LRRTM4: variants seen among roughly 807,000 people sequenced by gnomAD.
The protein encoded by LRRTM4 is leucine-rich repeat transmembrane neuronal protein 4.
A neutral mutation model predicts 47.6 loss-of-function variants in LRRTM4; 25 were observed. The ratio of observed to expected loss-of-function variants is 0.53; its 90% CI spans 0.38 to 0.73. The LOEUF (loss-of-function observed/expected upper bound fraction) is 0.73. Among genes scored for constraint, LRRTM4 ranks in the 30% least tolerant of loss-of-function variants. LRRTM4 has a pLI of 0.00. For synonymous variants in LRRTM4, 311 were observed against 269.5 expected (o/e 1.15, Z -1.51); for missense variants, 638 against 713.4 (o/e 0.89, Z 1.20).
At chr2:76,864,433 G>A (rs1226382495) in intron 3 of LRRTM4, among the ~76,000 whole-genome samples, 1 of 152,050 alleles carries the variant, frequency 6.6e-6, no homozygotes, top group Non-Finnish European at 1.5e-5. Flanking sequence ...CTAGGCGGGC[G>A]GATCATCTGA....
At chr2:76,979,240 G>A (rs34007251) in intron 3 of LRRTM4, among the ~76,000 whole-genome samples, 27,253 of 151,908 alleles carry the variant, frequency 0.18, 2,593 homozygotes, top group Admixed American at 0.26. Context: ...AATTCTGCAT[G>A]AGTAAGTGTA....
In LRRTM4 at chr2:77,435,931, T is replaced by A. The variant is rs1041608673; in HGVS notation, c.1551+82387A>T. Among the ~76,000 whole-genome samples the A allele has an allele frequency of 1.1e-4, 16 of 152,120 alleles. 1 individual carries two copies. Among genetic ancestry groups the A allele is most frequent in the Middle Eastern group, 3.2e-3 (1 of 316 alleles). ...TAGACCATACTGCAAGGGAAAAAAA[T>A]ATCAAGGATTAATGGTATAATTAGA... is the stretch of plus-strand genomic sequence containing the variant. On this transcript the variant is annotated intron_variant, in intron 3 of 3. Transcript: ENST00000409884.
chr2:77,350,949 A>C (rs1671744568), intron 3 of LRRTM4, among the ~76,000 whole-genome samples: 1 of 152,186 alleles, frequency 6.6e-6, no homozygotes, highest in South Asian at 2.1e-4. Flanking sequence ...GTTTAGGGGT[A>C]CACATTAAGG....
At chr2:77,236,453 T>A (rs1260085270) in intron 3 of LRRTM4, among the ~76,000 whole-genome samples, 1 of 151,806 alleles carries the variant, frequency 6.6e-6, no homozygotes, top group Non-Finnish European at 1.5e-5. Context: ...GAATCATATT[T>A]TTTTTTTGCC....
intron 3 of LRRTM4, among the ~76,000 whole-genome samples, chr2:77,363,551 A>G (rs1288058201): frequency 2.0e-5 from 3 of 152,320 alleles, no homozygotes; most frequent in East Asian, 1.9e-4. Flanking sequence ...AGGGCCACGC[A>G]TAATTGCATG....
At chr2:76,867,527 C>A (rs1238483634) in intron 3 of LRRTM4, among the ~76,000 whole-genome samples, 3 of 152,060 alleles carry the variant, frequency 2.0e-5, no homozygotes, top group Admixed American at 6.6e-5. Context: ...TTGTTAGTTT[C>A]TTTTTATGGA....
intron 3 of LRRTM4, among the ~76,000 whole-genome samples, chr2:77,083,574 C>G (rs141491807): frequency 6.6e-6 from 1 of 151,986 alleles, no homozygotes; most frequent in Non-Finnish European, 1.5e-5. Context: ...GATACTGTGT[C>G]TGAATATTAG....
chr2:77,480,866 A>AGAGAGAGAGAGAGAGAGAG (rs1491169115), intron 3 of LRRTM4, among the ~76,000 whole-genome samples: 7 of 128,054 alleles, frequency 5.5e-5, no homozygotes, highest in Non-Finnish European at 1.0e-4. Context: ...AGAGAGAGAG[A>AGAGAGAGAGAGAGAGAGAG]AATAGCTCTC....
At chr2:76,981,339 G>C (rs1171917190) in intron 3 of LRRTM4, among the ~76,000 whole-genome samples, 1 of 152,108 alleles carries the variant, frequency 6.6e-6, no homozygotes, top group African/African-American at 2.4e-5. Flanking sequence ...CAGTTGGGAA[G>C]AGCAACTAGG....
At chr2:77,207,473 T>C (rs2103914378) in intron 3 of LRRTM4, among the ~76,000 whole-genome samples, 1 of 151,658 alleles carries the variant, frequency 6.6e-6, no homozygotes, top group South Asian at 2.1e-4. Flanking sequence ...CCTTCTGTTC[T>C]CCTTGTAGCA....
At chr2:77,181,767 G>C (rs1228031773) in intron 3 of LRRTM4, among the ~76,000 whole-genome samples, 1 of 151,882 alleles carries the variant, frequency 6.6e-6, no homozygotes, top group East Asian at 1.9e-4. Flanking sequence ...TGTTTAGGAG[G>C]GGAGGAAAGG....
At chr2:77,452,702 G>A (rs868448918) in intron 3 of LRRTM4, among the ~76,000 whole-genome samples, 9 of 152,120 alleles carry the variant, frequency 5.9e-5, no homozygotes, top group African/African-American at 1.9e-4. Context: ...TTTTCATTTT[G>A]CACGGCGCCC....
At chr2:76,780,522 C>T (rs1001796028) in intron 3 of LRRTM4, among the ~76,000 whole-genome samples, 2 of 152,074 alleles carry the variant, frequency 1.3e-5, no homozygotes, top group Non-Finnish European at 2.9e-5. Context: ...TCTTCCATTG[C>T]TGATACCCTT....
chr2:76,978,233 A>C (rs1293818362), intron 3 of LRRTM4, among the ~76,000 whole-genome samples: 1 of 152,042 alleles, frequency 6.6e-6, no homozygotes, highest in Non-Finnish European at 1.5e-5. Context: ...TCAGAGGGCA[A>C]GTTTCTTTCC....
chr2:76,785,117 G>A (rs537355145), intron 3 of LRRTM4, among the ~76,000 whole-genome samples: 3 of 152,144 alleles, frequency 2.0e-5, no homozygotes, highest in South Asian at 2.1e-4. Context: ...TTGCTACACC[G>A]ATCTTGAAGA....
intron 3 of LRRTM4, among the ~76,000 whole-genome samples, chr2:76,865,008 T>G (rs892341928): frequency 1.3e-5 from 2 of 152,096 alleles, no homozygotes; most frequent in Middle Eastern, 3.4e-3. Flanking sequence ...ATCTTGATTC[T>G]TACTTAATTA....
chr2:76,827,728 A>G (rs539152884), intron 3 of LRRTM4, among the ~76,000 whole-genome samples: 3 of 151,986 alleles, frequency 2.0e-5, no homozygotes, highest in South Asian at 2.1e-4. Context: ...GATTACAAAT[A>G]CATTGCTTTA....
intron 3 of LRRTM4, among the ~76,000 whole-genome samples, chr2:77,501,203 A>G (rs1037010949): frequency 2.7e-5 from 4 of 150,692 alleles, no homozygotes; most frequent in African/African-American, 7.3e-5. Flanking sequence ...ATATATTTTT[A>G]AACAAGAATA....
intron 3 of LRRTM4, among the ~76,000 whole-genome samples, chr2:77,510,196 T>G (rs1442897906): frequency 1.3e-5 from 2 of 152,140 alleles, no homozygotes; most frequent in Non-Finnish European, 2.9e-5. Flanking sequence ...CAAACAATAT[T>G]TTTAAGGTGT....
Sources: allele counts gnomAD v4.1 joint callset (sites outside exome capture counted in the v4.1 genomes callset), GRCh38; gene constraint gnomAD v4.1.1; transcripts MANE v1.5; gene names NCBI Gene and HGNC (gene_info 2026-07-23, HGNC 2026-07-21).